The following CNTNAP5 variants were observed in gnomAD, a reference collection of about 807,000 sequenced individuals.
CNTNAP5 encodes contactin associated protein family member 5, also known as contactin-associated protein-like 5.
A neutral mutation model predicts 150.2 loss-of-function variants in CNTNAP5; 72 were observed. That is an observed-to-expected ratio of 0.48 (90% CI 0.40 to 0.58). The LOEUF (loss-of-function observed/expected upper bound fraction) is 0.58, where lower values mean the gene tolerates loss of function less well. Ranked by LOEUF, CNTNAP5 falls within the 20% of genes least tolerant of loss-of-function variation. The probability of loss-of-function intolerance (pLI) is 0.00; values close to 1 mark genes in which losing one functional copy is unlikely to be tolerated. For missense variants in CNTNAP5, 1,636 were observed against 1,626.2 expected (o/e 1.01, Z -0.10); for synonymous variants, 672 against 619.8 (o/e 1.08, Z -1.25).
At chr2:124,091,390 G>C (rs900267829) in intron 1 of CNTNAP5, among the ~76,000 whole-genome samples, 2 of 152,226 alleles carry the variant, frequency 1.3e-5, no homozygotes, top group African/African-American at 4.8e-5. Flanking sequence ...GAGAAGGAGA[G>C]AGAAATGACT....
intron 19 of CNTNAP5, among the ~76,000 whole-genome samples, chr2:124,843,761 T>G (rs1401716210): frequency 6.6e-5 from 10 of 152,120 alleles, no homozygotes; most frequent in African/African-American, 2.4e-5. Context: ...TAATTAGTTA[T>G]GTTGAGTAGT....
At chr2:124,447,124 A>G (rs974412621) in intron 6 of CNTNAP5, among the ~76,000 whole-genome samples, 187 bp downstream of exon 6, 1 of 152,114 alleles carries the variant, frequency 6.6e-6, no homozygotes, top group Non-Finnish European at 1.5e-5. Flanking sequence ...CTGAGCAGTG[A>G]AGGAGTGATG....
intron 8 of CNTNAP5, among the ~76,000 whole-genome samples, chr2:124,518,412 G>A (rs1694778649): frequency 6.6e-6 from 1 of 152,156 alleles, no homozygotes; most frequent in African/African-American, 2.4e-5. Flanking sequence ...GAAGCTAGGT[G>A]ATTCACAAAA....
At chr2:124,841,754 A>G (rs1461768343) in intron 19 of CNTNAP5, among the ~76,000 whole-genome samples, 1 of 152,050 alleles carries the variant, frequency 6.6e-6, no homozygotes, top group African/African-American at 2.4e-5. Flanking sequence ...TGCCTGTTGT[A>G]TGTGGATGGA....
chr2:124,329,488 A>C (rs1689296763), intron 3 of CNTNAP5, among the ~76,000 whole-genome samples: 1 of 152,176 alleles, frequency 6.6e-6, no homozygotes, highest in African/African-American at 2.4e-5. Flanking sequence ...CTGCTTCTAC[A>C]GTCTTCCAAC....
intron 13 of CNTNAP5, among the ~76,000 whole-genome samples, chr2:124,654,451 A>G (rs959376550): frequency 6.6e-6 from 1 of 152,198 alleles, no homozygotes; most frequent in Non-Finnish European, 1.5e-5. Context: ...AGGAAGAAAC[A>G]TGTCTTATAT....
intron 3 of CNTNAP5, among the ~76,000 whole-genome samples, chr2:124,398,120 T>TG (rs1691304300): frequency 6.6e-6 from 1 of 152,220 alleles, no homozygotes; most frequent in African/African-American, 2.4e-5. Context: ...ATTCTCTACC[T>TG]TCTGTATACT....
intron 1 of CNTNAP5, among the ~76,000 whole-genome samples, chr2:124,043,732 A>G (rs887210105): frequency 2.0e-5 from 3 of 152,094 alleles, no homozygotes; most frequent in African/African-American, 7.2e-5. Context: ...AGTGAAGTTT[A>G]CAACAACATA....
At chr2:124,627,645 T>C (rs910882331) in intron 12 of CNTNAP5, among the ~76,000 whole-genome samples, 1 of 151,438 alleles carries the variant, frequency 6.6e-6, no homozygotes, top group African/African-American at 2.4e-5. Flanking sequence ...ATCCCAAAAG[T>C]CAAAATGCCT....
chr2:124,142,879 T>C (rs1684153245), intron 1 of CNTNAP5, among the ~76,000 whole-genome samples: 1 of 150,170 alleles, frequency 6.7e-6, no homozygotes, highest in South Asian at 2.1e-4. Context: ...ATCAACAAAA[T>C]TGATAGACCG....
At chr2:124,038,347 G>T (rs966999395) in intron 1 of CNTNAP5, among the ~76,000 whole-genome samples, 1 of 152,094 alleles carries the variant, frequency 6.6e-6, no homozygotes, top group Non-Finnish European at 1.5e-5. Flanking sequence ...CCTGTCTTTG[G>T]GTCTCCTGTA....
intron 3 of CNTNAP5, among the ~76,000 whole-genome samples, chr2:124,381,013 G>A (rs979317318): frequency 2.0e-5 from 3 of 152,164 alleles, no homozygotes; most frequent in African/African-American, 7.2e-5. Flanking sequence ...TGGCATTGGA[G>A]CTGAAACTTG....
intron 1 of CNTNAP5, among the ~76,000 whole-genome samples, chr2:124,116,655 T>C (rs1683436221): frequency 6.6e-6 from 1 of 152,204 alleles, no homozygotes; most frequent in South Asian, 2.1e-4. Flanking sequence ...TTTAAATGTG[T>C]AGCACAGATC....
intron 1 of CNTNAP5, among the ~76,000 whole-genome samples, chr2:124,153,413 A>G (rs1015382115): frequency 6.6e-6 from 1 of 152,082 alleles, no homozygotes; most frequent in Non-Finnish European, 1.5e-5. Context: ...TCAGGCTGCT[A>G]TGAAAAATAC....
chr2:124,091,209 G>A (rs1047250856), intron 1 of CNTNAP5, among the ~76,000 whole-genome samples: 6 of 152,156 alleles, frequency 3.9e-5, no homozygotes, highest in African/African-American at 9.7e-5. Context: ...AGTGTACATC[G>A]CACCTGATAG....
chr2:124,522,512 A>G (rs1045631600), intron 8 of CNTNAP5, among the ~76,000 whole-genome samples: 1 of 152,122 alleles, frequency 6.6e-6, no homozygotes. Flanking sequence ...CATCCTAGAG[A>G]GCCCTCATGG....
rs1678237382 is a variant in CNTNAP5 at position 124,647,845 on chromosome 2, C to T, written c.1964C>T (p.Ala655Val). The change falls in exon 13 of 24, where the codon GCC (alanine) becomes GTC (valine). Residue 655 changes from alanine to valine, a missense_variant. Transcript: ENST00000682447. The part of the protein sequence containing the change: ...GANPEKPYAM[A>V]LDYGGSMEQL... ...AACCCTGAGAAGCCCTATGCCATGG[C>T]CTTGGACTACGGGGGCAGCATGGAA... The T allele has an allele frequency of 6.2e-6, 10 of 1,613,494 alleles. No homozygotes were observed. Among genetic ancestry groups the T allele is most frequent in the Non-Finnish European group, 6.8e-6 (8 of 1,179,726 alleles).
chr2:124,334,569 G>T (rs1398963716), intron 3 of CNTNAP5, among the ~76,000 whole-genome samples: 4 of 152,120 alleles, frequency 2.6e-5, no homozygotes, highest in African/African-American at 9.7e-5. Flanking sequence ...TAAAAATGTG[G>T]CTGTTTTTAA....
intron 1 of CNTNAP5, among the ~76,000 whole-genome samples, chr2:124,084,434 T>A (rs1206622461): frequency 1.3e-5 from 2 of 152,188 alleles, no homozygotes; most frequent in East Asian, 3.9e-4. Context: ...GCCAGGCTAA[T>A]TTTTGTATTT....
Sources: gnomAD v4.1 joint callset for allele counts (sites outside exome capture counted in the v4.1 genomes callset) on GRCh38, gnomAD v4.1.1 for gene constraint, MANE v1.5 for transcripts, NCBI Gene and HGNC (gene_info 2026-07-23, HGNC 2026-07-21) for gene names.